The following PHF24 variants were observed in gnomAD, a reference collection of about 807,000 sequenced individuals.
The protein encoded by PHF24 is Galpha inhibitory interacting protein.
A neutral mutation model predicts 42.6 loss-of-function variants in PHF24; 25 were observed. The observed-to-expected ratio is 0.59, with a 90% CI of 0.43 to 0.82. The LOEUF is 0.82. Ranked by LOEUF, PHF24 falls within the 40% of genes least tolerant of loss-of-function variation. PHF24 has a pLI of 0.00. For missense variants in PHF24, 470 were observed against 538.1 expected (o/e 0.87, Z 1.25); for synonymous variants, 185 against 204.8 (o/e 0.90, Z 0.83).
the PHF24 span, among the ~76,000 whole-genome samples, chr9:34,877,093 C>A: frequency 6.6e-6 from 1 of 152,104 alleles, no homozygotes; most frequent in Non-Finnish European, 1.5e-5. Flanking sequence ...ACCAGCCTGG[C>A]AACATGACGA....
At chr9:34,959,841 C>T (rs898951729) in intron 1 of PHF24, among the ~76,000 whole-genome samples, 1 of 152,100 alleles carries the variant, frequency 6.6e-6, no homozygotes, top group African/African-American at 2.4e-5. Flanking sequence ...ACCGAATACT[C>T]GAAGGAGAGA....
At chr9:34,666,899 C>T in the PHF24 span, among the ~76,000 whole-genome samples, 1 of 152,140 alleles carries the variant, frequency 6.6e-6, no homozygotes, top group African/African-American at 2.4e-5. Flanking sequence ...GAGCTGAGAT[C>T]GCACCACTGC....
the PHF24 span, among the ~76,000 whole-genome samples, chr9:34,744,398 A>G: frequency 2.0e-5 from 3 of 152,216 alleles, no homozygotes; most frequent in Non-Finnish European, 4.4e-5. Flanking sequence ...GGTAAAAACT[A>G]TAACAAAATT....
At chr9:34,673,872 C>T in the PHF24 span, among the ~76,000 whole-genome samples, 8 of 152,238 alleles carry the variant, frequency 5.3e-5, no homozygotes, top group African/African-American at 1.2e-4. Flanking sequence ...CTGCCTGCCT[C>T]GGCCTCCCAG....
chr9:34,916,401 T>C, the PHF24 span, among the ~76,000 whole-genome samples: 1 of 152,138 alleles, frequency 6.6e-6, no homozygotes, highest in Admixed American at 6.6e-5. Flanking sequence ...TTGAATCTAA[T>C]GTAAATGGAG....
chr9:34,784,822 G>A, the PHF24 span, among the ~76,000 whole-genome samples: 2 of 152,142 alleles, frequency 1.3e-5, no homozygotes, highest in South Asian at 2.1e-4. Context: ...GTAGACATAC[G>A]AGAATACTAG....
chr9:34,883,318 A>T, the PHF24 span, among the ~76,000 whole-genome samples: 1 of 152,280 alleles, frequency 6.6e-6, no homozygotes, highest in East Asian at 1.9e-4. Context: ...GGACTTCATG[A>T]CTAAAACACC....
At chr9:34,878,702 A>G in the PHF24 span, among the ~76,000 whole-genome samples, 2 of 152,196 alleles carry the variant, frequency 1.3e-5, no homozygotes, top group South Asian at 4.1e-4. Context: ...TGAGTAGGTA[A>G]ACAAAGCGGC....
chr9:34,699,161 G>T, the PHF24 span, among the ~76,000 whole-genome samples: 1 of 152,214 alleles, frequency 6.6e-6, no homozygotes, highest in Non-Finnish European at 1.5e-5. Context: ...GTTTCAGAAG[G>T]TATGAATAAA....
chr9:34,754,650 T>G, the PHF24 span, among the ~76,000 whole-genome samples: 2 of 151,956 alleles, frequency 1.3e-5, no homozygotes, highest in Non-Finnish European at 2.9e-5. Flanking sequence ...TTTGGAGGTT[T>G]CCCAAAAAAC....
At chr9:34,730,037 C>T in the PHF24 span, among the ~76,000 whole-genome samples, 1 of 152,060 alleles carries the variant, frequency 6.6e-6, no homozygotes, top group Non-Finnish European at 1.5e-5. Context: ...TCTGTGTGGC[C>T]TCAAGCTTGC....
the PHF24 span, among the ~76,000 whole-genome samples, chr9:34,836,670 C>T: frequency 3.0e-4 from 46 of 152,266 alleles, no homozygotes; most frequent in African/African-American, 1.0e-3. Flanking sequence ...GAAGTATTAT[C>T]AGCAGGGTTC....
At chr9:34,709,598 G>A in the PHF24 span, 2 of 1,614,142 alleles carry the variant, frequency 1.2e-6, no homozygotes, top group Non-Finnish European at 1.7e-6. Flanking sequence ...ATGGTGTCTT[G>A]TCCAGATGCT....
the PHF24 span, among the ~76,000 whole-genome samples, chr9:34,936,225 C>G: frequency 6.6e-6 from 1 of 152,212 alleles, no homozygotes; most frequent in African/African-American, 2.4e-5. Context: ...CGCGCCGCCA[C>G]GCCTGACTGG....
At chr9:34,740,554 C>T in the PHF24 span, among the ~76,000 whole-genome samples, 1 of 152,240 alleles carries the variant, frequency 6.6e-6, no homozygotes, top group Admixed American at 6.5e-5. Context: ...AAGCCCACGC[C>T]CACCTGGAAC....
the PHF24 span, among the ~76,000 whole-genome samples, chr9:34,752,652 T>C: frequency 6.6e-6 from 1 of 151,960 alleles, no homozygotes; most frequent in African/African-American, 2.4e-5. Context: ...TTCTGAAAAA[T>C]AGAGGAGGAG....
chr9:34,700,688 T>C, the PHF24 span, among the ~76,000 whole-genome samples: 1 of 151,242 alleles, frequency 6.6e-6, no homozygotes, highest in African/African-American at 2.4e-5. Context: ...CATTTGGGAG[T>C]AAATGGATGG....
chr9:34,971,450 C>T (rs1416530781), exon 2 of PHF24: 2 of 1,614,164 alleles, frequency 1.2e-6, no homozygotes, highest in Non-Finnish European at 1.7e-6. Context: ...GTAGAGGGCT[C>T]CGTCCAGGAG....
chr9:34,952,634 G>A (rs1826291645), upstream of PHF24, among the ~76,000 whole-genome samples: 1 of 152,142 alleles, frequency 6.6e-6, no homozygotes, highest in Non-Finnish European at 1.5e-5. Flanking sequence ...TACTAATGAA[G>A]ATGACAATGT....
Sources: gnomAD v4.1 joint callset for allele counts (sites outside exome capture counted in the v4.1 genomes callset) on GRCh38, gnomAD v4.1.1 for gene constraint, MANE v1.5 for transcripts, NCBI Gene and HGNC (gene_info 2026-07-23, HGNC 2026-07-21) for gene names.